The following ZC4H2 variants were observed in gnomAD, a reference collection of about 807,000 sequenced individuals.
The protein encoded by ZC4H2 is zinc finger C4H2 domain-containing protein.
For missense variants in ZC4H2, 137 were observed against 173.9 expected (o/e 0.79, Z 1.19); for synonymous variants, 84 against 66.3 (o/e 1.27, Z -1.30).
rs1465660623 is a variant in ZC4H2 at position 65,032,659 on chromosome X, T to G, written c.-272+1970A>C. On this transcript the variant is annotated intron_variant, in intron 1 of 4. Transcript: ENST00000337990. ...AATTGTTCTTCTCTTTCTTCAGTAC[T>G]TTTTGGCTGGTCTGTATAAAGTTTC... Among the ~76,000 whole-genome samples the G allele has an allele frequency of 5.4e-5, 6 of 111,982 alleles. No homozygotes were observed. The Admixed American group carries it at 5.7e-4, about 11-fold the overall frequency.
At chrX:64,987,535 A>G in intron 1 of ZC4H2, among the ~76,000 whole-genome samples, 1 of 106,264 alleles carries the variant, frequency 9.4e-6, no homozygotes, top group Non-Finnish European at 1.9e-5. Context: ...GAAAGTGAGT[A>G]TCTGTTAGGA....
At chrX:65,010,479 G>A (rs1932740269) in intron 1 of ZC4H2, among the ~76,000 whole-genome samples, 1 of 110,308 alleles carries the variant, frequency 9.1e-6, no homozygotes, top group African/African-American at 3.3e-5. Context: ...TTTTTTCTTT[G>A]GGATTGACTT....
At chrX:64,919,015 T>A (rs752956919) in intron 4 of ZC4H2, 27 bp downstream of exon 4, 17 of 1,137,860 alleles carry the variant, frequency 1.5e-5, no homozygotes, top group Non-Finnish European at 2.0e-5. Flanking sequence ...CTTTGCTTCC[T>A]CCACAACCAT....
At chrX:64,990,832 C>T (rs1932295213) in intron 1 of ZC4H2, among the ~76,000 whole-genome samples, 1 of 111,547 alleles carries the variant, frequency 9.0e-6, no homozygotes, top group Admixed American at 9.5e-5. Context: ...CAGAGAGAAA[C>T]AATATGCCTT....
intron 1 of ZC4H2, among the ~76,000 whole-genome samples, chrX:64,931,200 G>T (rs1602391039): frequency 9.0e-6 from 1 of 111,474 alleles, no homozygotes; most frequent in South Asian, 3.7e-4. Context: ...GGTATCAGTT[G>T]TAATATCTCC....
At chrX:64,952,947 C>T in intron 1 of ZC4H2, among the ~76,000 whole-genome samples, 1 of 111,784 alleles carries the variant, frequency 8.9e-6, no homozygotes, top group African/African-American at 3.3e-5. Flanking sequence ...GTAACCAAAA[C>T]AGCATGGTAC....
chrX:65,034,131 T>A (rs1932975802), intron 1 of ZC4H2, among the ~76,000 whole-genome samples: 1 of 109,629 alleles, frequency 9.1e-6, no homozygotes. Context: ...GAAACAGAGC[T>A]ACTTGGTGGT....
At chrX:64,951,313 C>G (rs1239589952) in intron 1 of ZC4H2, among the ~76,000 whole-genome samples, 1 of 111,998 alleles carries the variant, frequency 8.9e-6, no homozygotes, top group Non-Finnish European at 1.9e-5. Flanking sequence ...TGGGTATATA[C>G]CCAGTAATGG....
In ZC4H2 at chrX:64,917,800, G is replaced by T; in HGVS notation, c.658C>A (p.Arg220=). The change falls in exon 5 of 5, where the codon CGG becomes AGG. Residue 220 remains arginine, a synonymous_variant. Coordinates refer to ENST00000374839, the MANE Select transcript of ZC4H2 (RefSeq NM_018684.4). ...CCCTTTCTTTATTCATCCTGCTTCC[G>T]TTTCGGCTTTTTGGGGTTCCGGGAC... ...SRSRNPKKPK[R]KQDE is the part of the protein sequence containing the mutation. The T allele has an allele frequency of 8.3e-7, 1 of 1,211,072 alleles. No homozygotes were observed. Among genetic ancestry groups the T allele is most frequent in the Non-Finnish European group, 1.1e-6 (1 of 895,222 alleles).
chrX:64,943,508 G>C (rs969090652), intron 1 of ZC4H2, among the ~76,000 whole-genome samples: 3 of 111,524 alleles, frequency 2.7e-5, no homozygotes, highest in Admixed American at 1.9e-4. Flanking sequence ...TATGAATCTT[G>C]GTGCTCCTGT....
rs748462291 is a variant in ZC4H2 at position 64,986,299 on chromosome X, T to A, written c.-272+48330A>T. 3.6e-5 allele frequency among the ~76,000 whole-genome samples: 4 copies of A among 112,234 alleles called. No individual in the cohort carries two copies. In the East Asian group the frequency reaches 1.1e-3, roughly 32 times the overall value. On this transcript the variant is annotated intron_variant, in intron 1 of 4. Transcript: ENST00000337990. ...GTCTATTAGTCCTCCAGTCCCAAGCTAGATGCTCTGCCTTCCATGTTTCAA... is the reference window on the plus strand; with the variant it reads ...GTCTATTAGTCCTCCAGTCCCAAGCAAGATGCTCTGCCTTCCATGTTTCAA...
chrX:64,965,606 T>TA, intron 1 of ZC4H2: 1 of 254,487 alleles, frequency 3.9e-6, no homozygotes, highest in Non-Finnish European at 7.2e-6. Context: ...TCACAATCCA[T>TA]AAAAAATACT....
At position 64,917,184 on chromosome X, in the gene ZC4H2, G is replaced by A. The variant is rs780571725; in HGVS notation, c.*599C>T. 3 of 112,188 alleles carry A rather than the reference G, an allele frequency of 2.7e-5. No homozygotes were observed. The East Asian group carries it at 8.5e-4, about 32-fold the overall frequency. 9.2% of individuals were successfully genotyped at this position (112,188 alleles called of 1,213,427 possible). On this transcript the variant is annotated 3_prime_UTR_variant, in exon 5 of 5. Transcript: ENST00000374839. Reference sequence around the variant, plus strand: ...AGTACCTAAGAATTTTAGTATATGTGGGAGACAGAAGTGGAGAAAGCTAAA... The same window carrying A: ...AGTACCTAAGAATTTTAGTATATGTAGGAGACAGAAGTGGAGAAAGCTAAA...
intron 1 of ZC4H2, among the ~76,000 whole-genome samples, chrX:64,994,050 G>T (rs758989849): frequency 1.1e-4 from 12 of 111,946 alleles, no homozygotes; most frequent in Non-Finnish European, 2.3e-4. Flanking sequence ...TAAAATGTTT[G>T]TGTCTCCACT....
intron 1 of ZC4H2, among the ~76,000 whole-genome samples, chrX:65,012,224 CAAAAA>C (rs10606871): frequency 7.9e-5 from 2 of 25,344 alleles, no homozygotes; most frequent in African/African-American, 1.9e-4. Context: ...GACCCCGTCT[CAAAAA>C]AAAAAAAAAA....
At chrX:64,954,358 A>T (rs1414656619) in intron 1 of ZC4H2, among the ~76,000 whole-genome samples, 7 of 65,362 alleles carry the variant, frequency 1.1e-4, no homozygotes, top group East Asian at 7.2e-4. Flanking sequence ...ATATATAATT[A>T]TATATATATA....
At chrX:64,955,340 T>C (rs1931113365) in intron 1 of ZC4H2, among the ~76,000 whole-genome samples, 1 of 111,795 alleles carries the variant, frequency 8.9e-6, no homozygotes, top group Admixed American at 9.6e-5. Flanking sequence ...TAGATTATTA[T>C]GCTACAGGGT....
chrX:64,967,244 CT>C, intron 1 of ZC4H2, among the ~76,000 whole-genome samples: 1 of 111,417 alleles, frequency 9.0e-6, no homozygotes, highest in East Asian at 2.8e-4. Context: ...AATTCCCAGC[CT>C]TCCATTCTCT....
At chrX:64,939,142 T>C (rs754131507) in intron 1 of ZC4H2, among the ~76,000 whole-genome samples, 14 of 111,659 alleles carry the variant, frequency 1.3e-4, no homozygotes, top group Admixed American at 2.9e-4. Context: ...TATACACCAA[T>C]AATAGACACA....
Sources: gnomAD v4.1 joint callset for allele counts (sites outside exome capture counted in the v4.1 genomes callset) on GRCh38, gnomAD v4.1.1 for gene constraint, MANE v1.5 for transcripts, NCBI Gene and HGNC (gene_info 2026-07-23, HGNC 2026-07-21) for gene names.